FAM199X: variants seen among roughly 807,000 people sequenced by gnomAD.
FAM199X encodes the protein protein FAM199X.
In FAM199X, 4 loss-of-function variants were observed where a neutral mutation model predicts 22.9. The ratio of observed to expected loss-of-function variants is 0.17; its 90% confidence interval spans 0.09 to 0.40. The LOEUF is 0.40. FAM199X is among the 10% of genes least tolerant of loss of function. The pLI is 1.00. For synonymous variants in FAM199X, 101 were observed against 112.3 expected (o/e 0.90, Z 0.64); for missense variants, 183 against 306.8 (o/e 0.60, Z 3.01).
At chrX:104,178,547 C>G (rs1216473676) in intron 2 of FAM199X, among the ~76,000 whole-genome samples, 1 of 111,574 alleles carries the variant, frequency 9.0e-6, no homozygotes, top group Non-Finnish European at 1.9e-5. Context: ...TCCTGAGTAT[C>G]TGGGACTACA....
chrX:104,169,126 C>T (rs1023254287), intron 1 of FAM199X, among the ~76,000 whole-genome samples: 2 of 111,802 alleles, frequency 1.8e-5, no homozygotes, highest in African/African-American at 6.5e-5. Flanking sequence ...GGCTTCCAGC[C>T]ATTTCTTTTC....
At chrX:104,178,054 TTA>T (rs1242201162) in intron 2 of FAM199X, among the ~76,000 whole-genome samples, 34 of 112,423 alleles carry the variant, frequency 3.0e-4, no homozygotes, top group African/African-American at 1.1e-3. Context: ...TCCCAGACTT[TTA>T]GAGTTTTAGT....
upstream of FAM199X, among the ~76,000 whole-genome samples, chrX:104,163,688 CTTT>C (rs1180760241): frequency 1.1e-5 from 1 of 94,251 alleles, no homozygotes. Context: ...GGAGGGACCT[CTTT>C]TTTTTTTTTT....
upstream of FAM199X, among the ~76,000 whole-genome samples, chrX:104,165,634 C>T (rs1166286520): frequency 9.0e-6 from 1 of 110,748 alleles, no homozygotes; most frequent in Non-Finnish European, 1.9e-5. Context: ...TTGGGGTTTC[C>T]TCTATTTTTT....
chrX:104,176,630 A>T (rs888252307), intron 2 of FAM199X, among the ~76,000 whole-genome samples: 1 of 112,348 alleles, frequency 8.9e-6, no homozygotes, highest in Non-Finnish European at 1.9e-5. Context: ...CATCAAATTT[A>T]AAAAAGTCTC....
intron 2 of FAM199X, 89 bp from the exon 3 acceptor site, chrX:104,185,977 A>T (rs1921794845): frequency 2.2e-6 from 2 of 918,913 alleles, no homozygotes; most frequent in Middle Eastern, 2.8e-4. Flanking sequence ...ACTAACTTTT[A>T]ATCGATGTGG....
upstream of FAM199X, among the ~76,000 whole-genome samples, chrX:104,162,088 A>G (rs2147885742): frequency 8.9e-6 from 1 of 111,963 alleles, no homozygotes; most frequent in East Asian, 2.8e-4. Context: ...GCAAAAGTTC[A>G]CACCCAGGTT....
rs1198697322 is a variant in FAM199X, at chrX:104,193,539, A to T, written c.*3761A>T. 9.3e-6 allele frequency: 1 copy of T among 107,615 alleles called. No homozygotes were observed. Among genetic ancestry groups the T allele is most frequent in the African/African-American group, 3.4e-5 (1 of 29,332 alleles). The allele number at this position is 107,615 out of a possible 1,213,427, so 8.9% of individuals were successfully genotyped here. ...TCCTCTTCTTTCCTTTAACAAATGA[A>T]CTTTTAGCACTTCTGTCTTCAAGGA... On this transcript the variant is annotated 3_prime_UTR_variant, in exon 6 of 6. Coordinates refer to ENST00000493442, the MANE Select transcript of FAM199X (RefSeq NM_207318.4).
chrX:104,164,087 A>G (rs1210558342), upstream of FAM199X, among the ~76,000 whole-genome samples: 1 of 112,929 alleles, frequency 8.9e-6, no homozygotes, highest in Non-Finnish European at 1.9e-5. Flanking sequence ...AAGCTCTTGT[A>G]CAAATGTAAC....
intron 2 of FAM199X, among the ~76,000 whole-genome samples, chrX:104,183,527 C>T (rs1438761779): frequency 8.2e-5 from 9 of 109,944 alleles, no homozygotes; most frequent in African/African-American, 3.0e-4. Context: ...TGCAGTGGCA[C>T]GATCTCGGCT....
chrX:104,158,068 C>T, the FAM199X span, among the ~76,000 whole-genome samples: 10 of 112,325 alleles, frequency 8.9e-5, no homozygotes, highest in Admixed American at 9.4e-4. Context: ...CCCACGGTCA[C>T]AGAGCTAATA....
At chrX:104,159,286 C>T in the FAM199X span, among the ~76,000 whole-genome samples, 1 of 112,038 alleles carries the variant, frequency 8.9e-6, no homozygotes, top group South Asian at 3.7e-4. Flanking sequence ...TCCCTTTTAG[C>T]TCCTTTCACC....
chrX:104,176,529 C>T (rs1444747695), intron 2 of FAM199X, among the ~76,000 whole-genome samples: 2 of 112,477 alleles, frequency 1.8e-5, no homozygotes, highest in African/African-American at 6.4e-5. Flanking sequence ...ATGTCTGCTA[C>T]ATTTGAAAGC....
At chrX:104,184,142 A>G (rs1556378508) in intron 2 of FAM199X, among the ~76,000 whole-genome samples, 1 of 112,287 alleles carries the variant, frequency 8.9e-6, no homozygotes, top group African/African-American at 3.2e-5. Context: ...TGTCTGTGTT[A>G]TTGTATTACT....
At chrX:104,177,742 A>G (rs1921529299) in intron 2 of FAM199X, among the ~76,000 whole-genome samples, 1 of 112,232 alleles carries the variant, frequency 8.9e-6, no homozygotes, top group Admixed American at 9.5e-5. Context: ...TTGGGGAAAT[A>G]TCTATTCAGA....
At chrX:104,164,720 AAAT>A (rs1921114709), upstream of FAM199X, among the ~76,000 whole-genome samples, 1 of 110,374 alleles carries the variant, frequency 9.1e-6, no homozygotes, top group Non-Finnish European at 1.9e-5. Context: ...TCTCTACTAA[AAAT>A]ACAAAAAATA....
chrX:104,161,846 C>T (rs12853143), upstream of FAM199X, among the ~76,000 whole-genome samples: 1,514 of 100,201 alleles, frequency 0.015, 16 homozygotes, highest in Non-Finnish European at 0.02. Context: ...GTCTAAAAAC[C>T]AAAAAAAAAA....
At chrX:104,170,193 T>C (rs1368404332) in intron 1 of FAM199X, among the ~76,000 whole-genome samples, 2 of 112,319 alleles carry the variant, frequency 1.8e-5, no homozygotes, top group Non-Finnish European at 3.8e-5. Context: ...TACTCAGTTA[T>C]GTGATTTTAG....
At chrX:104,165,168 T>C (rs1921132337), upstream of FAM199X, among the ~76,000 whole-genome samples, 1 of 112,474 alleles carries the variant, frequency 8.9e-6, no homozygotes, top group Non-Finnish European at 1.9e-5. Context: ...GAATGATTCA[T>C]TTTGAAAGCC....
Sources: gnomAD v4.1 joint callset for allele counts (sites outside exome capture counted in the v4.1 genomes callset) on GRCh38, gnomAD v4.1.1 for gene constraint, MANE v1.5 for transcripts, NCBI Gene and HGNC (gene_info 2026-07-23, HGNC 2026-07-21) for gene names.